The following ZNF398 variants were observed in gnomAD, a reference collection of about 807,000 sequenced individuals.
ZNF398 encodes the protein zinc finger protein 398.
In ZNF398, 18 loss-of-function variants were observed where a neutral mutation model predicts 41.9. The ratio of observed to expected loss-of-function variants is 0.43; its 90% CI spans 0.30 to 0.64. ZNF398 has a LOEUF of 0.64. ZNF398 is among the 30% of genes least tolerant of loss of function. ZNF398 has a pLI of 0.14. For synonymous variants in ZNF398, 260 were observed against 308.8 expected (o/e 0.84, Z 1.66); for missense variants, 669 against 822.8 (o/e 0.81, Z 2.29).
intron 2 of ZNF398, among the ~76,000 whole-genome samples, chr7:149,156,754 G>C (rs1794989783): frequency 6.6e-6 from 1 of 151,734 alleles, no homozygotes; most frequent in African/African-American, 2.4e-5. Flanking sequence ...CCAGCTACTT[G>C]GGAGGCTGAG....
intron 2 of ZNF398, among the ~76,000 whole-genome samples, chr7:149,155,727 TTTA>T (rs1246761870): frequency 0.019 from 1,200 of 62,908 alleles, 16 homozygotes; most frequent in African/African-American, 0.058. Flanking sequence ...TTTTTTTTTT[TTTA>T]ATTTTTTTTT....
At chr7:149,173,113 TTTTTTTTTTGA>T (rs1795385344) in intron 4 of ZNF398, among the ~76,000 whole-genome samples, 1 of 130,656 alleles carries the variant, frequency 7.7e-6, no homozygotes, top group African/African-American at 3.0e-5. Flanking sequence ...TTTTTTTTTT[TTTTTTTTTTGA>T]GACAGAGTCC....
At chr7:149,155,324 G>A (rs554375773) in intron 2 of ZNF398, among the ~76,000 whole-genome samples, 9 of 152,222 alleles carry the variant, frequency 5.9e-5, no homozygotes, top group East Asian at 1.9e-4. Context: ...GGAAGCTGAG[G>A]CAGGAGAATC....
intron 2 of ZNF398, among the ~76,000 whole-genome samples, chr7:149,156,608 C>T (rs536186337): frequency 1.3e-5 from 2 of 151,662 alleles, no homozygotes; most frequent in African/African-American, 4.8e-5. Context: ...CCTGTAATCC[C>T]AGCACTTTGG....
Position 149,181,116 on chromosome 7 carries a change from A to G in ZNF398, c.*1315A>G, listed in dbSNP as rs1795580190. 1 of 152,524 alleles carries G rather than the reference A, an allele frequency of 6.6e-6. No individual in the cohort carries two copies. The highest frequency in any genetic ancestry group is 1.5e-5 in the Non-Finnish European group (1 of 68,014). 9.4% of individuals were successfully genotyped at this position (152,524 alleles called of 1,614,324 possible). A position where few individuals can be genotyped will look rare whatever the true frequency, so the allele number is the denominator to read the frequency against. The stretch of plus-strand genomic sequence containing the variant: ...GGCCTAAGTTCTGTTTCCTTTATGG[A>G]TCTCAAATTTTCATCTGCACAATGA... On this transcript the variant is annotated 3_prime_UTR_variant, in exon 6 of 6. Coordinates refer to ENST00000475153, the MANE Select transcript of ZNF398 (RefSeq NM_170686.3).
At chr7:149,132,148 G>T (rs1826607478) in intron 2 of ZNF398, among the ~76,000 whole-genome samples, 1 of 150,614 alleles carries the variant, frequency 6.6e-6, no homozygotes, top group Admixed American at 6.6e-5. Flanking sequence ...CTCAGAAGAG[G>T]TTATATCAAT....
chr7:149,127,634 G>A (rs888094596), intron 1 of ZNF398, among the ~76,000 whole-genome samples: 2 of 151,108 alleles, frequency 1.3e-5, no homozygotes, highest in Non-Finnish European at 2.9e-5. Context: ...GGAGAGTGGC[G>A]TGAACCCGGG....
At chr7:149,163,656 G>A (rs1795161710) in intron 2 of ZNF398, among the ~76,000 whole-genome samples, 1 of 152,114 alleles carries the variant, frequency 6.6e-6, no homozygotes, top group Non-Finnish European at 1.5e-5. Flanking sequence ...TGTGTTTTTA[G>A]TAGAGACAGG....
rs768249113 is a variant in ZNF398, at chr7:149,174,887, G to A, written c.662-1581G>A. 3.4e-4 allele frequency among the ~76,000 whole-genome samples: 52 copies of A among 151,970 alleles called. 1 individual carries two copies. The highest frequency in any genetic ancestry group is 1.0e-4 in the Non-Finnish European group (7 of 68,018). On this transcript the variant is annotated intron_variant, in intron 4 of 5. Coordinates refer to ENST00000475153, the MANE Select transcript of ZNF398 (RefSeq NM_170686.3). ...ATGGAAAGTTAATCCTCTGGATATCGGTTCAGAGGTTTTCTTCCTTATATC... is the reference window on the plus strand; with the variant it reads ...ATGGAAAGTTAATCCTCTGGATATCAGTTCAGAGGTTTTCTTCCTTATATC...
At chr7:149,171,407 C>T (rs1253177444) in intron 4 of ZNF398, among the ~76,000 whole-genome samples, 4 of 151,870 alleles carry the variant, frequency 2.6e-5, no homozygotes, top group Non-Finnish European at 2.9e-5. Context: ...CTTGCCCTGT[C>T]GCCCAGGCTG....
At chr7:149,133,601 G>T (rs770880665) in intron 2 of ZNF398, among the ~76,000 whole-genome samples, 26 of 147,318 alleles carry the variant, frequency 1.8e-4, no homozygotes, top group Non-Finnish European at 1.5e-4. Flanking sequence ...AAAGTTCTGG[G>T]ATTACAGGGG....
At chr7:149,126,410 A>G, upstream of ZNF398, 1 of 1,089,494 alleles carries the variant, frequency 9.2e-7, no homozygotes, top group Non-Finnish European at 1.2e-6. Flanking sequence ...GCGCCGCCAG[A>G]GGGAGTCGGT....
intron 5 of ZNF398, among the ~76,000 whole-genome samples, chr7:149,178,328 C>G (rs1795511642): frequency 6.6e-6 from 1 of 152,152 alleles, no homozygotes; most frequent in African/African-American, 2.4e-5. Flanking sequence ...TAGTGCATGC[C>G]TGTAATCCCA....
In ZNF398 at chr7:149,147,618, A is replaced by C; in HGVS notation, c.-125A>C. On this transcript the variant is annotated 5_prime_UTR_variant, in exon 1 of 6. Coordinates refer to ENST00000475153, the MANE Select transcript of ZNF398 (RefSeq NM_170686.3). This position sits in a 1 kb window ranked among gnomAD's most constrained non-coding sequence, Gnocchi z 5.6. ...CGCGTGAGTCCCGTCCGTGCGGGGA[A>C]GGCAGGGCCGGGTCGGCGCCGCCTG... 2 of 1,066,766 alleles carry C rather than the reference A, an allele frequency of 1.9e-6. No homozygotes were observed. The highest frequency in any genetic ancestry group is 2.4e-6 in the Non-Finnish European group (2 of 847,534). 66.1% of individuals were successfully genotyped at this position (1,066,766 alleles called of 1,614,324 possible).
chr7:149,178,065 G>C (rs1189117820), intron 5 of ZNF398, among the ~76,000 whole-genome samples: 1 of 152,204 alleles, frequency 6.6e-6, no homozygotes, highest in African/African-American at 2.4e-5. Context: ...GCCGAGGTGG[G>C]TGGACCATGA....
intron 2 of ZNF398, among the ~76,000 whole-genome samples, chr7:149,134,318 A>G (rs1171478948): frequency 6.6e-6 from 1 of 151,434 alleles, no homozygotes; most frequent in Non-Finnish European, 1.5e-5. Context: ...TCCTGATGTC[A>G]GGTAATCCAA....
intron 2 of ZNF398, among the ~76,000 whole-genome samples, chr7:149,157,766 A>G: frequency 7.0e-6 from 1 of 143,000 alleles, no homozygotes. Context: ...TGAACTCGGG[A>G]GGCGGAGGTC....
Position 149,154,043 on chromosome 7 carries a change from C to T in ZNF398, c.123C>T (p.Ile41=). The T allele has an allele frequency of 6.2e-7, 1 of 1,614,222 alleles. No homozygotes were observed. Among genetic ancestry groups the T allele is most frequent in the African/African-American group, 1.3e-5 (1 of 75,052 alleles). The change falls in exon 2 of 6, where the codon ATC becomes ATT. Residue 41 remains isoleucine (I), a synonymous_variant. Coordinates refer to ENST00000475153, the MANE Select transcript of ZNF398 (RefSeq NM_170686.3). ...ANEAHLQTAA[I]SLWTVVAAVQ... is the part of the protein sequence containing the mutation. Reference sequence around the variant, plus strand: ...AGGCACACCTGCAGACAGCAGCTATCTCTCTGTGGACAGTGGTGGCCGCCG... The same window carrying T: ...AGGCACACCTGCAGACAGCAGCTATTTCTCTGTGGACAGTGGTGGCCGCCG...
chr7:149,141,688 T>TTGG (rs1826830205), intron 2 of ZNF398, among the ~76,000 whole-genome samples: 1 of 147,216 alleles, frequency 6.8e-6, no homozygotes, highest in Admixed American at 6.8e-5. Flanking sequence ...TCTCTTGACC[T>TTGG]CGTGATCCAC....
Sources: allele counts gnomAD v4.1 joint callset (sites outside exome capture counted in the v4.1 genomes callset), GRCh38; gene constraint gnomAD v4.1.1; non-coding constraint Gnocchi (gnomAD v3.1); transcripts MANE v1.5; gene names NCBI Gene and HGNC (gene_info 2026-07-23, HGNC 2026-07-21).